The following ADCY5 variants were observed in gnomAD, a reference collection of about 807,000 sequenced individuals.
The protein encoded by ADCY5 is adenylate cyclase type 5.
In ADCY5, 30 loss-of-function variants were observed where a neutral mutation model predicts 119.7. The ratio of observed to expected loss-of-function variants is 0.25; its 90% confidence interval spans 0.19 to 0.34. The LOEUF (loss-of-function observed/expected upper bound fraction) is 0.34, where lower values mean the gene tolerates loss of function less well. ADCY5 is among the 10% of genes least tolerant of loss of function. The pLI, the probability that ADCY5 is intolerant of heterozygous loss-of-function variation, is 1.00. For synonymous variants in ADCY5, 753 were observed against 762.2 expected (o/e 0.99, Z 0.20); for missense variants, 1,324 against 1,775.2 (o/e 0.75, Z 4.57).
chr3:123,409,439 T>C (rs1944988085), intron 1 of ADCY5, among the ~76,000 whole-genome samples: 2 of 152,166 alleles, frequency 1.3e-5, no homozygotes, highest in Admixed American at 1.3e-4. Flanking sequence ...GGAGAAGGTA[T>C]CCTTGGAGTC....
chr3:123,393,233 G>A (rs1005797976), intron 1 of ADCY5, among the ~76,000 whole-genome samples: 3 of 152,130 alleles, frequency 2.0e-5, no homozygotes, highest in Non-Finnish European at 4.4e-5. Flanking sequence ...AAACCTTCTT[G>A]GAATCCCTGT....
chr3:123,383,093 C>G (rs143375157), intron 1 of ADCY5, among the ~76,000 whole-genome samples: 214 of 151,926 alleles, frequency 1.4e-3, no homozygotes, highest in African/African-American at 5.0e-3. Context: ...TAACAGGTGA[C>G]CCCTGACCAC....
In ADCY5 at chr3:123,330,879, G is replaced by T. The variant is rs748017406; in HGVS notation, c.1646+10C>A. The T allele has an allele frequency of 3.7e-6, 6 of 1,606,004 alleles. No homozygotes were observed. Among genetic ancestry groups the T allele is most frequent in the Admixed American group, 1.7e-5 (1 of 58,620 alleles). On this transcript the variant is annotated intron_variant, in intron 5 of 20. Transcript: ENST00000462833. ...GGGAGGGAGACGGTACCCGGGGGGT[G>T]GACACTTACGAGATGGCCTCGATCA...
chr3:123,284,394 AGCTGGGTGCTCGCAGGAC>A lies in ADCY5; in HGVS notation c.*196_*213del, dbSNP rs1168566495. 83 of 643,028 alleles carry A rather than the reference AGCTGGGTGCTCGCAGGAC, an allele frequency of 1.3e-4. No homozygotes were observed. The highest frequency in any genetic ancestry group is 2.1e-4 in the Non-Finnish European group (80 of 383,252). 39.8% of individuals were successfully genotyped at this position (643,028 alleles called of 1,614,324 possible). The stretch of plus-strand genomic sequence containing the variant: ...TCTACAGAGGGAAACATCTTTGGTC[AGCTGGGTGCTCGCAGGAC>A]GCTGGCACCCCGGGGCCTGGGACAG... On this transcript the variant is annotated 3_prime_UTR_variant, in exon 21 of 21. Transcript: ENST00000462833.
chr3:123,321,480 T>G (rs1559804025), intron 8 of ADCY5, among the ~76,000 whole-genome samples: 1 of 152,050 alleles, frequency 6.6e-6, no homozygotes, highest in South Asian at 2.1e-4. Flanking sequence ...AAGGGAGAGA[T>G]GTGTGTCGGG....
At chr3:123,346,641 C>CTCTCTCTG (rs1376749948) in intron 3 of ADCY5, among the ~76,000 whole-genome samples, 112 of 146,622 alleles carry the variant, frequency 7.6e-4, no homozygotes, top group African/African-American at 2.5e-3. Flanking sequence ...CTCTCTCTCT[C>CTCTCTCTG]TGTGTGTATG....
In ADCY5 at chr3:123,300,141, A is replaced by C. The variant is rs1939756585; in HGVS notation, c.2879T>G (p.Leu960Arg). ...ATACATGGCGTTGGCGGTGACCAGC[A>C]GGTCGGCGTTGTCGAAGAGCGTGAC... ...PGVTLFDNAD[L>R]LVTANAIDFF... Residue 960 changes from leucine to arginine, a missense_variant, in exon 15 of 21, where the codon CTG becomes CGG. This residue lies in a region of ADCY5 where 424 missense variants were observed against 546.8 expected (regional missense o/e 0.78). Coordinates refer to ENST00000462833, the MANE Select transcript of ADCY5 (RefSeq NM_183357.3). 6.2e-7 allele frequency: 1 copy of C among 1,613,796 alleles called. No individual in the cohort carries two copies. Among genetic ancestry groups the C allele is most frequent in the Non-Finnish European group, 8.5e-7 (1 of 1,180,042 alleles).
At chr3:123,387,835 G>A (rs185206929) in intron 1 of ADCY5, among the ~76,000 whole-genome samples, 70 of 152,370 alleles carry the variant, frequency 4.6e-4, no homozygotes, top group Non-Finnish European at 6.6e-4. Context: ...GGAGGAGACA[G>A]ATAAAACCAG....
chr3:123,329,143 G>A (rs370069059), intron 5 of ADCY5, among the ~76,000 whole-genome samples: 28 of 152,202 alleles, frequency 1.8e-4, no homozygotes, highest in South Asian at 2.1e-4. Context: ...CGTTAGGGCC[G>A]ACTTGAATTA....
intron 3 of ADCY5, among the ~76,000 whole-genome samples, chr3:123,341,940 T>C (rs73186464): frequency 0.088 from 13,373 of 152,120 alleles, 711 homozygotes; most frequent in Middle Eastern, 0.18. Flanking sequence ...TAAAAAAAAA[T>C]AGAGACAGGG....
intron 1 of ADCY5, among the ~76,000 whole-genome samples, chr3:123,355,023 T>C (rs182238146): frequency 3.3e-4 from 51 of 152,300 alleles, no homozygotes; most frequent in Non-Finnish European, 5.7e-4. Flanking sequence ...AAAGACTGAA[T>C]GCCTTCCTCT....
chr3:123,365,597 G>A (rs978608648), intron 1 of ADCY5, among the ~76,000 whole-genome samples: 9 of 152,198 alleles, frequency 5.9e-5, no homozygotes, highest in Admixed American at 3.9e-4. Flanking sequence ...GGGGAAGTCC[G>A]GGAGGAGCTG....
At chr3:123,358,870 G>A (rs1027439425) in intron 1 of ADCY5, among the ~76,000 whole-genome samples, 2 of 152,200 alleles carry the variant, frequency 1.3e-5, no homozygotes, top group South Asian at 2.1e-4. Context: ...TGCTCGGTTC[G>A]TGCAGTGTCT....
rs1212388192 is a variant in ADCY5 at position 123,347,889 on chromosome 3, C to G, written c.1299G>C (p.Leu433=). 1.9e-6 allele frequency: 3 copies of G among 1,614,046 alleles called. No individual in the cohort carries two copies. Among genetic ancestry groups the G allele is most frequent in the Non-Finnish European group, 2.5e-6 (3 of 1,180,026 alleles). The change falls in exon 3 of 21, where the codon CTG becomes CTC. Residue 433 remains leucine, a synonymous_variant. Transcript: ENST00000462833. ...RENQQQERLL[L]SVLPRHVAME... is the part of the protein sequence containing the mutation. ...TGGCAACATGACGGGGAAGGACAGACAGCAGGAGCCGTTCCTGCAGAGGGA... is the reference window on the plus strand; with the variant it reads ...TGGCAACATGACGGGGAAGGACAGAGAGCAGGAGCCGTTCCTGCAGAGGGA...
intron 1 of ADCY5, among the ~76,000 whole-genome samples, chr3:123,356,220 C>A (rs1321894739): frequency 6.6e-6 from 1 of 152,106 alleles, no homozygotes; most frequent in African/African-American, 2.4e-5. Flanking sequence ...AGGGATAAAT[C>A]TTTATAACCT....
At chr3:123,372,391 G>T (rs1469278838) in intron 1 of ADCY5, among the ~76,000 whole-genome samples, 1 of 152,160 alleles carries the variant, frequency 6.6e-6, no homozygotes, top group Non-Finnish European at 1.5e-5. Context: ...AACTGGGCAG[G>T]CTATCAGCCC....
intron 15 of ADCY5, among the ~76,000 whole-genome samples, chr3:123,299,117 G>C (rs1287264793): frequency 6.6e-6 from 1 of 152,170 alleles, no homozygotes; most frequent in Admixed American, 6.5e-5. Flanking sequence ...TCTGAATCAT[G>C]AAGTTGTACC....
At chr3:123,375,545 A>T (rs1027789937) in intron 1 of ADCY5, among the ~76,000 whole-genome samples, 1 of 152,240 alleles carries the variant, frequency 6.6e-6, no homozygotes, top group Non-Finnish European at 1.5e-5. Flanking sequence ...CTGGAGAATG[A>T]GGGATATTTA....
chr3:123,440,579 C>T lies in ADCY5; in HGVS notation c.1134+6833G>A, dbSNP rs571205210. Among the ~76,000 whole-genome samples the T allele has an allele frequency of 8.5e-5, 13 of 152,074 alleles. No individual in the cohort carries two copies. In the South Asian group the frequency reaches 2.7e-3, roughly 32 times the overall value. On this transcript the variant is annotated intron_variant, in intron 1 of 20. Coordinates refer to ENST00000462833, the MANE Select transcript of ADCY5 (RefSeq NM_183357.3). ...CAATCTCCTCTTCCTTTCTTTAAGG[C>T]ACACTCCCCTTCCTTCACACCACCT...
Sources: allele counts gnomAD v4.1 joint callset (sites outside exome capture counted in the v4.1 genomes callset), GRCh38; gene constraint gnomAD v4.1.1; regional missense constraint gnomAD v4.1.1; transcripts MANE v1.5; gene names NCBI Gene and HGNC (gene_info 2026-07-23, HGNC 2026-07-21).